PXDN: variants seen among roughly 807,000 people sequenced by gnomAD.
The protein encoded by PXDN is peroxidasin.
A neutral mutation model predicts 140.3 loss-of-function variants in PXDN; 77 were observed. That is an observed-to-expected ratio of 0.55 (90% CI 0.46 to 0.66). The LOEUF (loss-of-function observed/expected upper bound fraction) is 0.66, where lower values mean the gene tolerates loss of function less well. Among genes scored for constraint, PXDN ranks in the 30% least tolerant of loss-of-function variants. The pLI, the probability that PXDN is intolerant of heterozygous loss-of-function variation, is 0.00. For synonymous variants in PXDN, 911 were observed against 857.4 expected (o/e 1.06, Z -1.09); for missense variants, 1,838 against 2,039.5 (o/e 0.90, Z 1.90).
chr2:1,643,647 A>C lies in PXDN; in HGVS notation c.3744-71T>G, dbSNP rs1204528568. 2.6e-6 allele frequency: 4 copies of C among 1,524,170 alleles called. No homozygotes were observed. The African/African-American group carries it at 5.5e-5, about 21-fold the overall frequency. 94.4% of individuals were successfully genotyped at this position (1,524,170 alleles called of 1,614,324 possible). A position where few individuals can be genotyped will look rare whatever the true frequency, so the allele number is the denominator to read the frequency against. ...TCACAGGTCACTAGGAGCTGAGTTA[A>C]AATCTCCCCTGCTTAGTTCACAGCA... is the stretch of plus-strand genomic sequence containing the variant. On this transcript the variant is annotated intron_variant, in intron 18 of 22. Transcript: ENST00000252804.
rs1249759380 is a variant in PXDN at position 1,687,008 on chromosome 2, A to C, written c.416+624T>G. On this transcript the variant is annotated intron_variant, in intron 4 of 22. Coordinates refer to ENST00000252804, the MANE Select transcript of PXDN (RefSeq NM_012293.3). This position sits in a 1 kb window ranked among gnomAD's most constrained non-coding sequence, Gnocchi z 4.0. ...TGGCCGAGCAAACAAACCAGGACAA[A>C]TCCTCCTTTTTACCAGGACATTGTA... 6.6e-6 allele frequency among the ~76,000 whole-genome samples: 1 copy of C among 152,202 alleles called. No individual in the cohort carries two copies. Among genetic ancestry groups the C allele is most frequent in the Non-Finnish European group, 1.5e-5 (1 of 68,032 alleles).
Position 1,666,260 on chromosome 2 carries a change from G to A in PXDN, c.1245C>T (p.Thr415=), listed in dbSNP as rs748827217. ...GDSGEYACSA[T]NNIDSVHATA... Reference sequence around the variant, plus strand: ...TGGCATGGACGCTGTCAATGTTGTTGGTCGCAGAGCACGCATACTCTCCGC... The same window carrying A: ...TGGCATGGACGCTGTCAATGTTGTTAGTCGCAGAGCACGCATACTCTCCGC... The change falls in exon 10 of 23, where the codon ACC becomes ACT. Residue 415 remains threonine (T), a synonymous_variant. Coordinates refer to ENST00000252804, the MANE Select transcript of PXDN (RefSeq NM_012293.3). The A allele has an allele frequency of 9.9e-6, 16 of 1,613,932 alleles. No homozygotes were observed. The East Asian group carries it at 3.1e-4, about 31-fold the overall frequency.
intron 15 of PXDN, 69 bp from the exon 16 acceptor site, chr2:1,653,854 C>A: frequency 7.1e-7 from 1 of 1,413,202 alleles, no homozygotes; most frequent in Non-Finnish European, 9.6e-7. Context: ...CATAGTACCC[C>A]AAAATATAAT....
At chr2:1,731,706 C>G (rs1685317951) in intron 1 of PXDN, among the ~76,000 whole-genome samples, 1 of 152,210 alleles carries the variant, frequency 6.6e-6, no homozygotes, top group African/African-American at 2.4e-5. Flanking sequence ...AGGCACAAAA[C>G]ACGCAGCTAT....
intron 1 of PXDN, among the ~76,000 whole-genome samples, chr2:1,741,216 G>C (rs1685535896): frequency 6.6e-6 from 1 of 152,126 alleles, no homozygotes; most frequent in African/African-American, 2.4e-5. Context: ...GGGGTTGAGA[G>C]GAGGAAAGGA....
chr2:1,679,692 C>A (rs1277860304), intron 7 of PXDN, among the ~76,000 whole-genome samples: 1 of 112,154 alleles, frequency 8.9e-6, no homozygotes, highest in Non-Finnish European at 1.8e-5. Flanking sequence ...TGTGTGTGGT[C>A]TGTGTCTGCA....
intron 1 of PXDN, among the ~76,000 whole-genome samples, chr2:1,727,617 G>C (rs1685219144): frequency 6.6e-6 from 1 of 152,082 alleles, no homozygotes; most frequent in Admixed American, 6.5e-5. Flanking sequence ...CCTCAGTTAG[G>C]CAGCCTTCCC....
chr2:1,696,625 A>T (rs1425799611), intron 1 of PXDN, among the ~76,000 whole-genome samples: 1 of 152,238 alleles, frequency 6.6e-6, no homozygotes, highest in East Asian at 1.9e-4. Context: ...CTCATACACC[A>T]ATAGTTATAC....
chr2:1,701,947 T>C (rs1031732257), intron 1 of PXDN, among the ~76,000 whole-genome samples: 1 of 152,090 alleles, frequency 6.6e-6, no homozygotes, highest in African/African-American at 2.4e-5. Context: ...TGGTGCTTGA[T>C]CTTGGACTTC....
In PXDN at chr2:1,697,783, T is replaced by C. The variant is rs529396438; in HGVS notation, c.201-4649A>G. On this transcript the variant is annotated intron_variant, in intron 1 of 22. Transcript: ENST00000252804. Reference sequence around the variant, plus strand: ...CCTGGCAGATGTGGCGGCGTGGTCCTAGCTGTGTGCCACATGCCAATGAGT... The same window carrying C: ...CCTGGCAGATGTGGCGGCGTGGTCCCAGCTGTGTGCCACATGCCAATGAGT... Among the ~76,000 whole-genome samples the C allele has an allele frequency of 3.9e-5, 6 of 152,166 alleles. No homozygotes were observed. The South Asian group carries it at 1.0e-3, about 26-fold the overall frequency.
At chr2:1,712,434 C>T (rs1172403324) in intron 1 of PXDN, among the ~76,000 whole-genome samples, 1 of 152,152 alleles carries the variant, frequency 6.6e-6, no homozygotes, top group Non-Finnish European at 1.5e-5. Context: ...TTATAATCAG[C>T]CTATAGAGAG....
At chr2:1,666,558 T>C (rs571506769) in intron 9 of PXDN, 72 bp from the exon 10 acceptor site, 22 of 1,474,740 alleles carry the variant, frequency 1.5e-5, no homozygotes, top group African/African-American at 2.8e-5. Context: ...ATTTTTCCTA[T>C]GTCAGGCTAT....
At chr2:1,715,749 G>A (rs1684880170) in intron 1 of PXDN, among the ~76,000 whole-genome samples, 2 of 152,160 alleles carry the variant, frequency 1.3e-5, no homozygotes, top group Non-Finnish European at 2.9e-5. Flanking sequence ...AGAGCGGCAG[G>A]TAACTCATGG....
At position 1,687,630 on chromosome 2, in the gene PXDN, A is replaced by G; in HGVS notation, c.416+2T>C. On this transcript the variant is annotated splice_donor_variant, in intron 4 of 22. Coordinates refer to ENST00000252804, the MANE Select transcript of PXDN (RefSeq NM_012293.3). LOFTEE classifies it high-confidence loss of function. The surrounding 1 kb of genome is among the most constrained non-coding windows in gnomAD (Gnocchi z 4.0). ...TAAAGCACGAAGAGAAGGGGCACTT[A>G]CAGTTGCTCTAGAGAGGCAAGTCCC... 1 of 1,495,490 alleles carries G rather than the reference A, an allele frequency of 6.7e-7. No homozygotes were observed. Among genetic ancestry groups the G allele is most frequent in the Non-Finnish European group, 9.3e-7 (1 of 1,079,638 alleles). 92.6% of individuals were successfully genotyped at this position (1,495,490 alleles called of 1,614,324 possible). A position where few individuals can be genotyped will look rare whatever the true frequency, so the allele number is the denominator to read the frequency against.
rs371004085 is a variant in PXDN at position 1,649,293 on chromosome 2, G to A, written c.2487C>T (p.Leu829=). 8.7e-6 allele frequency: 14 copies of A among 1,613,406 alleles called. No individual in the cohort carries two copies. Among genetic ancestry groups the A allele is most frequent in the East Asian group, 2.2e-5 (1 of 44,868 alleles). The change falls in exon 17 of 23, where the codon CTC becomes CTT. Residue 829 remains leucine, a synonymous_variant. Coordinates refer to ENST00000252804, the MANE Select transcript of PXDN (RefSeq NM_012293.3). The surrounding 1 kb of genome is among the most constrained non-coding windows in gnomAD (Gnocchi z 7.1). ...GGCTCAGGGCCACCACCGTGGAGTC[G>A]AGGTCGTGGTCCAGGAACTGGCCCC... ...MQWGQFLDHD[L]DSTVVALSQA...
chr2:1,673,161 T>TTTTTAAATG (rs1334887165), intron 9 of PXDN, among the ~76,000 whole-genome samples: 5 of 152,226 alleles, frequency 3.3e-5, no homozygotes, highest in African/African-American at 1.2e-4. Flanking sequence ...GCTGAGACAG[T>TTTTTAAATG]TTTTAAATGT....
chr2:1,643,279 G>A lies in PXDN; in HGVS notation c.3952+89C>T, dbSNP rs1186537538. 5 of 1,263,128 alleles carry A rather than the reference G, an allele frequency of 4.0e-6. No individual in the cohort carries two copies. The African/African-American group carries it at 7.4e-5, about 19-fold the overall frequency. The allele number at this position is 1,263,128 out of a possible 1,614,324, so 78.2% of individuals were successfully genotyped here. On this transcript the variant is annotated intron_variant, in intron 19 of 22. Coordinates refer to ENST00000252804, the MANE Select transcript of PXDN (RefSeq NM_012293.3). The stretch of plus-strand genomic sequence containing the variant: ...TTTTGTTTTCAGTTTTCAAGATTAG[G>A]ATGACATCTGCAGGTCATTAAGCAC...
In PXDN at chr2:1,649,595, C is replaced by T. The variant is rs772354996; in HGVS notation, c.2185G>A (p.Val729Met). Residue 729 changes from valine to methionine, a missense_variant, in exon 17 of 23, where the codon GTG becomes ATG. Physicochemically the swap from Val to Met is conservative, Grantham distance 21. This residue lies in a region of PXDN where 537 missense variants were observed against 583.9 expected (regional missense o/e 0.92). Coordinates refer to ENST00000252804, the MANE Select transcript of PXDN (RefSeq NM_012293.3). This position sits in a 1 kb window ranked among gnomAD's most constrained non-coding sequence, Gnocchi z 7.1. ...AAGCACATGTCCGAGCAGTTGTTCA[C>T]GCGCCGGTGGGCGGTACAGCCCGAC... ...NLSGCTAHRR[V>M]NNCSDMCFHQ... The T allele has an allele frequency of 3.8e-5, 62 of 1,613,920 alleles. No homozygotes were observed. The Admixed American group carries it at 6.2e-4, about 16-fold the overall frequency.
At chr2:1,635,755 G>A in intron 21 of PXDN, 1 of 517,566 alleles carries the variant, frequency 1.9e-6, no homozygotes, top group Non-Finnish European at 3.5e-6. Context: ...AAAAACCGTA[G>A]TCACAAAGGC....
Sources: gnomAD v4.1 joint callset for allele counts (sites outside exome capture counted in the v4.1 genomes callset) on GRCh38, gnomAD v4.1.1 for gene constraint, gnomAD v4.1.1 regional missense constraint, Gnocchi (gnomAD v3.1) non-coding constraint, MANE v1.5 for transcripts, NCBI Gene and HGNC (gene_info 2026-07-23, HGNC 2026-07-21) for gene names.